MED24: variants seen among roughly 807,000 people sequenced by gnomAD.
MED24 encodes mediator complex subunit 24.
A neutral mutation model predicts 118.8 loss-of-function variants in MED24; 74 were observed. The observed-to-expected ratio is 0.62, with a 90% confidence interval of 0.52 to 0.76. The LOEUF (loss-of-function observed/expected upper bound fraction) is 0.76. Among genes scored for constraint, MED24 ranks in the 30% least tolerant of loss-of-function variants. The probability of loss-of-function intolerance (pLI) is 0.00; values close to 1 mark genes in which losing one functional copy is unlikely to be tolerated. For missense variants in MED24, 1,041 were observed against 1,278.9 expected, an observed-to-expected ratio of 0.81 and a Z score of 2.84; for synonymous variants, 521 against 523.9, an observed-to-expected ratio of 0.99 and a Z score of 0.08.
intron 24 of MED24, 168 bp downstream of exon 24, chr17:40,020,105 G>GCCCCGCC: frequency 2.8e-6 from 2 of 716,088 alleles, no homozygotes; most frequent in Non-Finnish European, 4.5e-6. Flanking sequence ...GGAGGAGGGG[G>GCCCCGCC]AACTAGACAG....
At chr17:40,043,167 T>G (rs1055255248) in intron 3 of MED24, among the ~76,000 whole-genome samples, 2 of 152,186 alleles carry the variant, frequency 1.3e-5, no homozygotes, top group Non-Finnish European at 2.9e-5. Flanking sequence ...AGACTAGTCT[T>G]GAACTCCTAA....
At chr17:40,026,359 AC>A (rs1301907310) in intron 18 of MED24, 28 bp from the exon 19 acceptor site, 2 of 1,605,868 alleles carry the variant, frequency 1.2e-6, no homozygotes, top group Non-Finnish European at 1.7e-6. Flanking sequence ...GTGATGGGCT[AC>A]CATCTATCTC....
At chr17:40,030,538 C>G (rs1204600104) in intron 12 of MED24, among the ~76,000 whole-genome samples, 4 of 152,158 alleles carry the variant, frequency 2.6e-5, no homozygotes, top group Non-Finnish European at 5.9e-5. Flanking sequence ...TCGTGATCCA[C>G]CCGCCTTGGC....
chr17:40,050,834 A>C (rs1259000798), intron 3 of MED24, among the ~76,000 whole-genome samples: 2 of 152,188 alleles, frequency 1.3e-5, no homozygotes, highest in East Asian at 3.9e-4. Context: ...CAATGTATGC[A>C]CATAAGAAAT....
chr17:40,052,196 G>A (rs1299255236), intron 3 of MED24, among the ~76,000 whole-genome samples: 2 of 152,078 alleles, frequency 1.3e-5, no homozygotes, highest in African/African-American at 2.4e-5. Context: ...GGGAGGCTGA[G>A]GTAGGAGAAT....
intron 5 of MED24, 24 bp downstream of exon 5, chr17:40,035,698 G>A (rs749759452): frequency 6.2e-7 from 1 of 1,608,378 alleles, no homozygotes; most frequent in Admixed American, 1.7e-5. Flanking sequence ...ATTGTATTGT[G>A]AGCCCCCTTA....
At chr17:40,037,112 C>T (rs535291722) in intron 3 of MED24, among the ~76,000 whole-genome samples, 4 of 151,664 alleles carry the variant, frequency 2.6e-5, no homozygotes, top group Non-Finnish European at 4.4e-5. Flanking sequence ...GCCTGGGAGA[C>T]GGATGTTGCA....
Position 40,032,056 on chromosome 17 carries a change from G to A in MED24, c.971C>T (p.Ser324Phe). The change falls in exon 10 of 26, where the codon TCT (serine) becomes TTT (phenylalanine). Residue 324 changes from serine to phenylalanine, a missense_variant. This residue lies in a region of MED24 where 434 missense variants were observed against 514.9 expected (regional missense o/e 0.84). Coordinates refer to ENST00000394128, the MANE Select transcript of MED24 (RefSeq NM_014815.4). The stretch of plus-strand genomic sequence containing the variant: ...TCCCCAACTCACCTTGTCTCCATGA[G>A]AGTACTTCTTCAACTTCACCAAAAC... ...PQVLVKLKKY[S>F]HGDKDFTEDV... 6.2e-7 allele frequency: 1 copy of A among 1,613,794 alleles called. No individual in the cohort carries two copies. The highest frequency in any genetic ancestry group is 8.5e-7 in the Non-Finnish European group (1 of 1,179,872).
At chr17:40,024,435 G>A (rs923945960) in intron 19 of MED24, among the ~76,000 whole-genome samples, 5 of 152,168 alleles carry the variant, frequency 3.3e-5, no homozygotes, top group Admixed American at 6.5e-5. Flanking sequence ...TCGGGAGGCT[G>A]AGGCAGGAGA....
chr17:40,027,307 G>A (rs1405052401), intron 16 of MED24, 76 bp downstream of exon 16: 3 of 1,459,848 alleles, frequency 2.1e-6, no homozygotes, highest in East Asian at 2.4e-5. Flanking sequence ...CTGCGGGGGC[G>A]CAGGCAGTGA....
Position 40,027,457 on chromosome 17 carries a change from C to A in MED24, c.1456G>T (p.Ala486Ser). The A allele has an allele frequency of 6.2e-7, 1 of 1,611,622 alleles. No individual in the cohort carries two copies. The highest frequency in any genetic ancestry group is 8.5e-7 in the Non-Finnish European group (1 of 1,178,788). The change falls in exon 16 of 26, where the codon GCC (alanine) becomes TCC (serine). Residue 486 changes from alanine (A) to serine (S), a missense_variant. Ala to Ser is a moderately conservative substitution (Grantham distance 99). Around this residue, in one of 3 missense-constraint regions of MED24, gnomAD observed 587 missense variants for 694.4 expected, o/e 0.85. Transcript: ENST00000394128. ...TCAAACAGCAGGGCCCGGACGGAGG[C>A]CGGTTTGGCTGTGGAAGGACGGGAA... ...TYGSEESTKP[A>S]SVRALLFDIS...
At position 40,029,714 on chromosome 17, in the gene MED24, G is replaced by T. The variant is rs369746772; in HGVS notation, c.1266+34C>A. 31 of 1,581,598 alleles carry T rather than the reference G, an allele frequency of 2.0e-5. 1 individual carries two copies. In the African/African-American group the frequency reaches 4.0e-4, roughly 21 times the overall value. On this transcript the variant is annotated intron_variant, in intron 13 of 25. Coordinates refer to ENST00000394128, the MANE Select transcript of MED24 (RefSeq NM_014815.4). ...GATGGAGCACTGGAAAGAAGAAAGA[G>T]AAGACTGTGGTGGCCAGGGAAGGGC...
intron 20 of MED24, 120 bp from the exon 21 acceptor site, chr17:40,022,946 C>T: frequency 7.3e-7 from 1 of 1,363,554 alleles, no homozygotes; most frequent in Non-Finnish European, 9.9e-7. Flanking sequence ...AGATGTTGCT[C>T]CGCCCCTCAG....
chr17:40,036,046 T>C, intron 4 of MED24, 70 bp downstream of exon 4: 4 of 1,507,546 alleles, frequency 2.7e-6, no homozygotes, highest in Non-Finnish European at 3.7e-6. Context: ...GGTCACAGCA[T>C]CAGGGCCGTC....
At chr17:40,035,527 C>A (rs1208787219) in intron 5 of MED24, among the ~76,000 whole-genome samples, 178 bp from the exon 6 acceptor site, 1 of 152,122 alleles carries the variant, frequency 6.6e-6, no homozygotes, top group African/African-American at 2.4e-5. Flanking sequence ...TTCAAATGAG[C>A]TACTCCAGAC....
At position 40,020,181 on chromosome 17, in the gene MED24, C is replaced by T. The variant is rs1291468465; in HGVS notation, c.2704+92G>A. The T allele has an allele frequency of 3.9e-6, 5 of 1,282,108 alleles. No homozygotes were observed. In the Admixed American group the frequency reaches 1.0e-4, roughly 26 times the overall value. 79.4% of individuals were successfully genotyped at this position (1,282,108 alleles called of 1,614,324 possible). ...GAGGGAAGGGAGGGGCACCGCAAGG[C>T]CCCTTCCAGCTGACAAGGTCTCCCA... On this transcript the variant is annotated intron_variant, in intron 24 of 25. Transcript: ENST00000394128.
chr17:40,031,344 TGAGG>T, intron 11 of MED24, 99 bp from the exon 12 acceptor site: 2 of 1,331,120 alleles, frequency 1.5e-6, no homozygotes, highest in South Asian at 1.3e-5. Flanking sequence ...TCTTTCAGGA[TGAGG>T]AAAATCTGGA....
At chr17:40,037,214 G>GGGAAGGAA (rs772575089) in intron 3 of MED24, among the ~76,000 whole-genome samples, 31 of 142,828 alleles carry the variant, frequency 2.2e-4, no homozygotes, top group East Asian at 1.7e-3. Flanking sequence ...GAGAGAAAGA[G>GGGAAGGAA]GGAAGGAAGG....
intron 3 of MED24, among the ~76,000 whole-genome samples, 174 bp downstream of exon 3, chr17:40,053,124 T>G (rs1216717727): frequency 6.6e-6 from 1 of 151,660 alleles, no homozygotes; most frequent in African/African-American, 2.4e-5. Flanking sequence ...GGGTAGAGAC[T>G]GGGTTTTGCC....
Sources: allele counts gnomAD v4.1 joint callset (sites outside exome capture counted in the v4.1 genomes callset), GRCh38; gene constraint gnomAD v4.1.1; regional missense constraint gnomAD v4.1.1; transcripts MANE v1.5; gene names NCBI Gene and HGNC (gene_info 2026-07-23, HGNC 2026-07-21).